SLC13A1: variants seen among roughly 807,000 people sequenced by gnomAD.
SLC13A1 encodes Na(+)/sulfate cotransporter.
In SLC13A1, 65 loss-of-function variants were observed where a neutral mutation model predicts 70.0. The ratio of observed to expected loss-of-function variants is 0.93; its 90% CI spans 0.76 to 1.14. SLC13A1 has a LOEUF of 1.14. Ranked by LOEUF, SLC13A1 falls within the 50% of genes most tolerant of loss-of-function variation. SLC13A1 has a pLI of 0.00. For synonymous variants in SLC13A1, 275 were observed against 250.5 expected, an observed-to-expected ratio of 1.10 and a Z score of -0.92; for missense variants, 726 against 717.8, an observed-to-expected ratio of 1.01 and a Z score of -0.13.
In SLC13A1 at chr7:123,173,706, G is replaced by T. The variant is rs115107017; in HGVS notation, c.229-1802C>A. Among the ~76,000 whole-genome samples the T allele has an allele frequency of 2.0e-3, 309 of 151,948 alleles. 3 individuals carry two copies. The highest frequency in any genetic ancestry group is 7.0e-3 in the African/African-American group (292 of 41,484). On this transcript the variant is annotated intron_variant, in intron 2 of 14. Transcript: ENST00000194130. ...CTGATGAGGACCAGGAATCTGTTTT[G>T]CTAGCCAAACCAGGACTCTATTTTG...
intron 7 of SLC13A1, among the ~76,000 whole-genome samples, chr7:123,143,664 G>C (rs914893812): frequency 2.0e-5 from 3 of 152,228 alleles, no homozygotes; most frequent in African/African-American, 7.2e-5. Flanking sequence ...CTCTTTCAAT[G>C]ATATGAAATT....
At chr7:123,161,597 T>C (rs933587868) in intron 6 of SLC13A1, among the ~76,000 whole-genome samples, 1 of 152,152 alleles carries the variant, frequency 6.6e-6, no homozygotes, top group Non-Finnish European at 1.5e-5. Flanking sequence ...CATCTTGAAC[T>C]GCAAGTTTCC....
intron 2 of SLC13A1, among the ~76,000 whole-genome samples, chr7:123,175,335 TGA>T (rs1268701626): frequency 6.6e-6 from 1 of 152,152 alleles, no homozygotes; most frequent in African/African-American, 2.4e-5. Context: ...AGCTGATCCT[TGA>T]GTTTATTATT....
intron 6 of SLC13A1, among the ~76,000 whole-genome samples, chr7:123,150,332 G>A (rs1794512843): frequency 6.6e-6 from 1 of 152,042 alleles, no homozygotes; most frequent in African/African-American, 2.4e-5. Flanking sequence ...CCATCTTCCT[G>A]TTCTCTACAT....
At chr7:123,145,953 C>G (rs1794334261) in intron 7 of SLC13A1, among the ~76,000 whole-genome samples, 2 of 152,130 alleles carry the variant, frequency 1.3e-5, no homozygotes, top group African/African-American at 4.8e-5. Context: ...TGCCTCTAAA[C>G]TCTAATTTTT....
intron 2 of SLC13A1, among the ~76,000 whole-genome samples, chr7:123,172,268 C>T (rs1795302264): frequency 1.3e-5 from 2 of 152,166 alleles, no homozygotes; most frequent in Admixed American, 6.6e-5. Context: ...TTCATCATGA[C>T]CCATTATGCT....
rs550440524 is a variant in SLC13A1, at chr7:123,160,820, T to A, written c.660+7554A>T. ...AATTTATTTTAAATTTCAAAACACATTTCTAAGCATCTTTTGAGTGAAAAA... is the reference window on the plus strand; with the variant it reads ...AATTTATTTTAAATTTCAAAACACAATTCTAAGCATCTTTTGAGTGAAAAA... On this transcript the variant is annotated intron_variant, in intron 6 of 14. Coordinates refer to ENST00000194130, the MANE Select transcript of SLC13A1 (RefSeq NM_022444.4). Among the ~76,000 whole-genome samples, 65 of 152,168 alleles carry A rather than the reference T, an allele frequency of 4.3e-4. No homozygotes were observed. In the East Asian group the frequency reaches 4.8e-3, roughly 11 times the overall value.
chr7:123,142,637 A>ATTTTTT, intron 7 of SLC13A1, among the ~76,000 whole-genome samples: 1 of 41,870 alleles, frequency 2.4e-5, no homozygotes, highest in Non-Finnish European at 4.9e-5. Flanking sequence ...AGGGGCAAGA[A>ATTTTTT]CTTTTTTTTT....
At chr7:123,184,654 T>C (rs1398266362) in intron 1 of SLC13A1, among the ~76,000 whole-genome samples, 1 of 152,050 alleles carries the variant, frequency 6.6e-6, no homozygotes, top group African/African-American at 2.4e-5. Context: ...TGTGTGTTTG[T>C]GTGCAAGTGC....
At chr7:123,146,456 A>G (rs1794353653) in intron 7 of SLC13A1, among the ~76,000 whole-genome samples, 1 of 152,202 alleles carries the variant, frequency 6.6e-6, no homozygotes, top group East Asian at 1.9e-4. Context: ...CAAAAGTTGC[A>G]GTGAGCTGAG....
chr7:123,180,159 G>C (rs541603227), intron 2 of SLC13A1, among the ~76,000 whole-genome samples: 4 of 152,202 alleles, frequency 2.6e-5, no homozygotes, highest in East Asian at 1.9e-4. Flanking sequence ...ATCGACTGGG[G>C]CTCCAAAATC....
At chr7:123,149,604 C>T in intron 6 of SLC13A1, 2 of 456,470 alleles carry the variant, frequency 4.4e-6, no homozygotes, top group South Asian at 3.1e-5. Flanking sequence ...GTTTTTTGGT[C>T]ACCTCACTTG....
In SLC13A1 at chr7:123,154,616, AC is replaced by A. The variant is rs1157092884; in HGVS notation, c.661-7307del. The stretch of plus-strand genomic sequence containing the variant: ...AACAGCTAGAAATATGATATACATT[AC>A]TTTTCCTGCCCCTTCTGTAAGTTAG... On this transcript the variant is annotated intron_variant, in intron 6 of 14. Transcript: ENST00000194130. Among the ~76,000 whole-genome samples, 10 of 152,180 alleles carry A rather than the reference AC, an allele frequency of 6.6e-5. No homozygotes were observed. The South Asian group carries it at 1.2e-3, about 19-fold the overall frequency.
At chr7:123,156,689 ATTCT>A (rs1794727542) in intron 6 of SLC13A1, among the ~76,000 whole-genome samples, 2 of 152,082 alleles carry the variant, frequency 1.3e-5, no homozygotes, top group Non-Finnish European at 2.9e-5. Context: ...TTTATAATGG[ATTCT>A]TTATTAGACG....
At chr7:123,157,528 T>A (rs548442467) in intron 6 of SLC13A1, among the ~76,000 whole-genome samples, 1 of 152,228 alleles carries the variant, frequency 6.6e-6, no homozygotes, top group Admixed American at 6.5e-5. Context: ...CCCTAAATGT[T>A]AACTATTTAG....
chr7:123,169,477 G>C (rs1475894407), intron 3 of SLC13A1, 142 bp from the exon 4 acceptor site: 17 of 732,518 alleles, frequency 2.3e-5, no homozygotes, highest in Non-Finnish European at 3.7e-5. Flanking sequence ...ATTCTGCCCA[G>C]ATGATGAAAT....
rs750687998 is a variant in SLC13A1, at chr7:123,147,223, T to C, written c.748A>G (p.Ile250Val). 8 of 1,613,650 alleles carry C rather than the reference T, an allele frequency of 5.0e-6. No homozygotes were observed. The highest frequency in any genetic ancestry group is 3.3e-5 in the Admixed American group (2 of 59,944). The change falls in exon 7 of 15, where the codon ATT (isoleucine) becomes GTT (valine). Residue 250 changes from isoleucine (I) to valine (V), a missense_variant. By Grantham distance (29) the Ile-to-Val change is conservative. Coordinates refer to ENST00000194130, the MANE Select transcript of SLC13A1 (RefSeq NM_022444.4). ...TCLCIAYSST[I>V]GGLTTITGTS... ...CCAGTGATTGTTGTCAGTCCACCAA[T>C]GGTAGAAGAGTAGGCAATGCACAAA...
intron 1 of SLC13A1, among the ~76,000 whole-genome samples, chr7:123,193,534 C>T (rs1042159391): frequency 3.9e-5 from 6 of 152,148 alleles, no homozygotes; most frequent in African/African-American, 9.7e-5. Flanking sequence ...CCTGTGCTTT[C>T]GTGATTGCAA....
intron 6 of SLC13A1, among the ~76,000 whole-genome samples, chr7:123,148,135 A>AT (rs537511340): frequency 2.0e-5 from 3 of 151,928 alleles, no homozygotes; most frequent in Admixed American, 6.6e-5. Flanking sequence ...AAATAAATCC[A>AT]TTTTTTTTAA....
Sources: allele counts gnomAD v4.1 joint callset (sites outside exome capture counted in the v4.1 genomes callset), GRCh38; gene constraint gnomAD v4.1.1; transcripts MANE v1.5; gene names NCBI Gene and HGNC (gene_info 2026-07-23, HGNC 2026-07-21).